ASXL2: variants seen among roughly 807,000 people sequenced by gnomAD.
ASXL2 encodes the protein putative Polycomb group protein ASXL2.
Under a neutral mutation model 122.0 loss-of-function variants are expected in ASXL2, and 23 were observed. The ratio of observed to expected loss-of-function variants is 0.19; its 90% CI spans 0.14 to 0.27. The LOEUF (loss-of-function observed/expected upper bound fraction) is 0.27. Among genes scored for constraint, ASXL2 ranks in the 10% least tolerant of loss-of-function variants. The pLI, the probability that ASXL2 is intolerant of heterozygous loss-of-function variation, is 1.00. For missense variants in ASXL2, 1,518 were observed against 1,713.8 expected (o/e 0.89, Z 2.02); for synonymous variants, 650 against 637.0 (o/e 1.02, Z -0.31).
At position 25,805,070 on chromosome 2, in the gene ASXL2, A is replaced by T. The variant is rs148270797; in HGVS notation, c.252+1159T>A. Reference sequence around the variant, plus strand: ...CAAAAGAAAGAAAGAAAGAAAAGAAAGAAATTAGCAAGCTTGTTATGTTAG... The same window carrying T: ...CAAAAGAAAGAAAGAAAGAAAAGAATGAAATTAGCAAGCTTGTTATGTTAG... On this transcript the variant is annotated intron_variant, in intron 4 of 12. Coordinates refer to ENST00000435504, the MANE Select transcript of ASXL2 (RefSeq NM_018263.6). Among the ~76,000 whole-genome samples the T allele has an allele frequency of 1.4e-3, 215 of 152,332 alleles. 3 individuals are homozygous for T. In the Middle Eastern group the frequency reaches 0.034, roughly 24 times the overall value.
At chr2:25,874,636 G>C (rs929529815) in intron 1 of ASXL2, among the ~76,000 whole-genome samples, 2 of 152,144 alleles carry the variant, frequency 1.3e-5, no homozygotes, top group African/African-American at 4.8e-5. Context: ...TGGTGACAAA[G>C]TGAGACCCTG....
At chr2:25,828,824 CAA>C (rs1031358836) in intron 3 of ASXL2, among the ~76,000 whole-genome samples, 7 of 50,134 alleles carry the variant, frequency 1.4e-4, no homozygotes, top group Non-Finnish European at 2.1e-4. Context: ...GACTGTGTCT[CAA>C]AAAAAAAAAA....
At position 25,739,322 on chromosome 2, in the gene ASXL2, G is replaced by T. The variant is rs2087787054; in HGVS notation, c.*2707C>A. On this transcript the variant is annotated 3_prime_UTR_variant, in exon 13 of 13. Coordinates refer to ENST00000435504, the MANE Select transcript of ASXL2 (RefSeq NM_018263.6). ...GCTGCTGGAATACCATACTAATAAA[G>T]GTTTTGTTTCTACTGCTTCATTTTC... is the stretch of plus-strand genomic sequence containing the variant. The T allele has an allele frequency of 5.9e-6, 1 of 169,964 alleles. No homozygotes were observed. Among genetic ancestry groups the T allele is most frequent in the African/African-American group, 2.4e-5 (1 of 41,806 alleles). The allele number at this position is 169,964 out of a possible 1,614,324, so 10.5% of individuals were successfully genotyped here.
intron 3 of ASXL2, among the ~76,000 whole-genome samples, chr2:25,814,175 G>A (rs555225566): frequency 2.0e-4 from 30 of 152,282 alleles, no homozygotes; most frequent in African/African-American, 6.7e-4. Context: ...ACAGGACACA[G>A]TACCATTTAA....
Position 25,741,629 on chromosome 2 carries a change from T to C in ASXL2, c.*400A>G. On this transcript the variant is annotated 3_prime_UTR_variant, in exon 13 of 13. Coordinates refer to ENST00000435504, the MANE Select transcript of ASXL2 (RefSeq NM_018263.6). ...CTTCACTTTCCTTTTCCTAGCTTCC[T>C]AGGAAATGTCAGAAGGGAGACAGCT... 4.0e-6 allele frequency: 1 copy of C among 252,296 alleles called. No homozygotes were observed. Among genetic ancestry groups the C allele is most frequent in the Admixed American group, 4.8e-5 (1 of 20,724 alleles). The allele number at this position is 252,296 out of a possible 1,614,324, so 15.6% of individuals were successfully genotyped here.
At chr2:25,761,387 G>T (rs1410748342) in intron 8 of ASXL2, among the ~76,000 whole-genome samples, 1 of 152,100 alleles carries the variant, frequency 6.6e-6, no homozygotes, top group Non-Finnish European at 1.5e-5. Context: ...AAAAAGGAAT[G>T]AAAGAGGCTG....
At chr2:25,827,557 A>T (rs149652534) in intron 3 of ASXL2, among the ~76,000 whole-genome samples, 1 of 152,308 alleles carries the variant, frequency 6.6e-6, no homozygotes, top group East Asian at 1.9e-4. Flanking sequence ...TTAACAACTA[A>T]TCTGCTTTTT....
chr2:25,857,312 C>T (rs893915368), intron 1 of ASXL2, among the ~76,000 whole-genome samples: 20 of 152,126 alleles, frequency 1.3e-4, no homozygotes, highest in South Asian at 2.1e-4. Flanking sequence ...CAAAAATAGT[C>T]ACTTGGCACT....
chr2:25,751,358 G>A (rs1161727858), intron 11 of ASXL2, among the ~76,000 whole-genome samples: 1 of 152,062 alleles, frequency 6.6e-6, no homozygotes, highest in East Asian at 1.9e-4. Flanking sequence ...GGAGGGAATG[G>A]GCCAGGCACA....
chr2:25,824,071 CTA>C (rs1490541847), intron 3 of ASXL2, among the ~76,000 whole-genome samples: 1 of 152,126 alleles, frequency 6.6e-6, no homozygotes, highest in Non-Finnish European at 1.5e-5. Context: ...TGAAATAAAA[CTA>C]AATGTGTTGT....
Position 25,878,228 on chromosome 2 carries a change from G to C in ASXL2, c.-6C>G, listed in dbSNP as rs749926205. 1 of 1,613,790 alleles carries C rather than the reference G, an allele frequency of 6.2e-7. No homozygotes were observed. The highest frequency in any genetic ancestry group is 1.1e-5 in the South Asian group (1 of 91,082). Reference sequence around the variant, plus strand: ...CTACGTCCCTTTTCCCTCATGTCGGGTCTTGAACTGACTGGGAGGCTCCCG... The same window carrying C: ...CTACGTCCCTTTTCCCTCATGTCGGCTCTTGAACTGACTGGGAGGCTCCCG... On this transcript the variant is annotated 5_prime_UTR_variant, in exon 1 of 13. Transcript: ENST00000435504.
chr2:25,878,361 C>T lies in ASXL2; in HGVS notation c.-139G>A. On this transcript the variant is annotated 5_prime_UTR_variant, in exon 1 of 13. Coordinates refer to ENST00000435504, the MANE Select transcript of ASXL2 (RefSeq NM_018263.6). ...AAGTCAGACCGGGGGGGCACCCAAG[C>T]AGAGGAAGCGGCGGGGGTGGTGCGC... The T allele has an allele frequency of 1.2e-6, 1 of 801,598 alleles. No individual in the cohort carries two copies. The highest frequency in any genetic ancestry group is 2.0e-6 in the Non-Finnish European group (1 of 506,196). The allele number at this position is 801,598 out of a possible 1,614,324, so 49.7% of individuals were successfully genotyped here.
intron 3 of ASXL2, among the ~76,000 whole-genome samples, chr2:25,820,640 G>C (rs543707943): frequency 5.6e-4 from 85 of 152,288 alleles, no homozygotes; most frequent in Non-Finnish European, 1.0e-3. Context: ...GATCTCACTG[G>C]AGTGATGAAA....
At chr2:25,868,775 T>A (rs115789560) in intron 1 of ASXL2, among the ~76,000 whole-genome samples, 4,974 of 152,246 alleles carry the variant, frequency 0.033, 135 homozygotes, top group African/African-American at 0.073. Flanking sequence ...ACACCTGTAA[T>A]CCCGGCATTT....
chr2:25,851,492 T>G (rs1210081741), intron 1 of ASXL2, among the ~76,000 whole-genome samples: 1 of 152,196 alleles, frequency 6.6e-6, no homozygotes, highest in Non-Finnish European at 1.5e-5. Flanking sequence ...TTCTTCATCT[T>G]TTTATCACTA....
In ASXL2 at chr2:25,878,320, AGGT is replaced by A. The variant is rs2090027717; in HGVS notation, c.-101_-99del. ...GCTGCTTTTCCCGCGGTGCCGGGAA[AGGT>A]GGGAGAAAAGGGAAGTCAGACCGGG... On this transcript the variant is annotated 5_prime_UTR_variant, in exon 1 of 13. Transcript: ENST00000435504. 7.6e-7 allele frequency: 1 copy of A among 1,311,878 alleles called. No individual in the cohort carries two copies. The highest frequency in any genetic ancestry group is 1.1e-6 in the Non-Finnish European group (1 of 935,788). The allele number at this position is 1,311,878 out of a possible 1,614,324, so 81.3% of individuals were successfully genotyped here. A position where few individuals can be genotyped will look rare whatever the true frequency, so the allele number is the denominator to read the frequency against.
At chr2:25,850,461 GT>G in intron 1 of ASXL2, among the ~76,000 whole-genome samples, 1 of 152,270 alleles carries the variant, frequency 6.6e-6, no homozygotes, top group South Asian at 2.1e-4. Context: ...ATGGTCCTCT[GT>G]CCCTTGCATT....
At chr2:25,855,882 C>CATTTATTTATTTATTT (rs147256555) in intron 1 of ASXL2, among the ~76,000 whole-genome samples, 5,062 of 142,488 alleles carry the variant, frequency 0.036, 106 homozygotes, top group Middle Eastern at 0.087. Flanking sequence ...CTTGATAATG[C>CATTTATTTATTTATTT]ATTTATTTAT....
At chr2:25,792,721 T>C (rs897237423) in intron 5 of ASXL2, among the ~76,000 whole-genome samples, 3 of 151,744 alleles carry the variant, frequency 2.0e-5, no homozygotes, top group African/African-American at 7.3e-5. Context: ...TTCTCTTGCC[T>C]CAGCCTCCCG....
Sources: gnomAD v4.1 joint callset for allele counts (sites outside exome capture counted in the v4.1 genomes callset) on GRCh38, gnomAD v4.1.1 for gene constraint, MANE v1.5 for transcripts, NCBI Gene and HGNC (gene_info 2026-07-23, HGNC 2026-07-21) for gene names.